Variants in PPFIA2 observed in about 807,000 individuals in gnomAD.
PPFIA2 encodes PPFI scaffold protein A2.
PPFIA2 carries 46 observed loss-of-function variants against 175.5 expected under a neutral mutation model. That is an observed-to-expected ratio of 0.26 (90% CI 0.21 to 0.34). The LOEUF (loss-of-function observed/expected upper bound fraction) is 0.34, where lower values mean the gene tolerates loss of function less well. PPFIA2 is among the 10% of genes least tolerant of loss of function. The probability of loss-of-function intolerance (pLI) is 1.00; values close to 1 mark genes in which losing one functional copy is unlikely to be tolerated. For missense variants in PPFIA2, 1,179 were observed against 1,506.1 expected (o/e 0.78, Z 3.60); for synonymous variants, 568 against 511.4 (o/e 1.11, Z -1.49).
At chr12:81,647,684 C>CG (rs2066342548) in intron 4 of PPFIA2, among the ~76,000 whole-genome samples, 1 of 150,176 alleles carries the variant, frequency 6.7e-6, no homozygotes, top group Admixed American at 6.7e-5. Context: ...TGGCGTGAAC[C>CG]GGGGTGGTGG....
At chr12:81,652,975 C>G (rs138111050) in intron 4 of PPFIA2, among the ~76,000 whole-genome samples, 110 of 152,056 alleles carry the variant, frequency 7.2e-4, no homozygotes, top group Admixed American at 2.4e-3. Flanking sequence ...CCTCAATATA[C>G]GAATCCAACC....
chr12:81,731,783 GAAT>G (rs1378332999), intron 3 of PPFIA2, among the ~76,000 whole-genome samples: 6 of 151,486 alleles, frequency 4.0e-5, no homozygotes, highest in Admixed American at 2.0e-4. Context: ...TGTAAAAGGG[GAAT>G]AATAATAGTA....
At chr12:81,331,713 C>G (rs1594930927) in intron 21 of PPFIA2, among the ~76,000 whole-genome samples, 1 of 152,284 alleles carries the variant, frequency 6.6e-6, no homozygotes, top group East Asian at 1.9e-4. Flanking sequence ...TCTGCTTATT[C>G]ATAGTTAACG....
intron 6 of PPFIA2, among the ~76,000 whole-genome samples, chr12:81,441,229 T>C (rs1472278640): frequency 1.3e-5 from 2 of 152,012 alleles, no homozygotes; most frequent in Admixed American, 6.6e-5. Flanking sequence ...AGTAATGTCC[T>C]ATTAACCTAG....
rs115399817 is a variant in PPFIA2 at position 81,434,560 on chromosome 12, C to G, written c.645+5412G>C. On this transcript the variant is annotated intron_variant, in intron 7 of 32. Coordinates refer to ENST00000549396, the MANE Select transcript of PPFIA2 (RefSeq NM_003625.5). ...CAATTATATACATAAATTGAAACAA[C>G]CTGAAAGCAGAGAGTTAAGACAAAT... Among the ~76,000 whole-genome samples the G allele has an allele frequency of 5.4e-4, 82 of 152,068 alleles. 1 individual carries two copies. Among genetic ancestry groups the G allele is most frequent in the African/African-American group, 2.0e-3 (81 of 41,518 alleles).
intron 4 of PPFIA2, among the ~76,000 whole-genome samples, chr12:81,650,184 T>G (rs1209926766): frequency 6.6e-6 from 1 of 152,034 alleles, no homozygotes; most frequent in South Asian, 2.1e-4. Flanking sequence ...TAATTTTTTG[T>G]ATTTTTAGTA....
At chr12:81,712,078 AT>A (rs1190433357) in intron 3 of PPFIA2, among the ~76,000 whole-genome samples, 1 of 151,356 alleles carries the variant, frequency 6.6e-6, no homozygotes, top group Admixed American at 6.8e-5. Context: ...TTTTTAAAAC[AT>A]TATTTTAAAG....
At chr12:81,347,903 T>G in intron 17 of PPFIA2, 133 bp from the exon 18 acceptor site, 2 of 1,326,366 alleles carry the variant, frequency 1.5e-6, no homozygotes, top group Non-Finnish European at 2.0e-6. Flanking sequence ...CAAATCTAAT[T>G]TTTTCATCTT....
At chr12:81,279,369 C>CAAAAAA (rs967003232) in intron 27 of PPFIA2, 3 of 152,030 alleles carry the variant, frequency 2.0e-5, no homozygotes, top group Non-Finnish European at 4.4e-5. Context: ...GCATCCCTAG[C>CAAAAAA]AAACTAATTC....
rs188615473 is a variant in PPFIA2, at chr12:81,279,552, G to A, written c.3212+1705C>T. On this transcript the variant is annotated intron_variant, in intron 27 of 32. Transcript: ENST00000549396. ...TGTCTGTCAGATGGAAAACTGTGCC[G>A]AAAAGACCATAGGATGCAATATACA... is the stretch of plus-strand genomic sequence containing the variant. Among the ~76,000 whole-genome samples, 4 of 152,180 alleles carry A rather than the reference G, an allele frequency of 2.6e-5. No individual in the cohort carries two copies. The East Asian group carries it at 5.8e-4, about 22-fold the overall frequency.
chr12:81,371,793 G>T (rs1310583682), intron 11 of PPFIA2, among the ~76,000 whole-genome samples: 1 of 151,556 alleles, frequency 6.6e-6, no homozygotes, highest in Non-Finnish European at 1.5e-5. Flanking sequence ...ATCTTTATTG[G>T]TTAATTGCGT....
chr12:81,572,882 C>T (rs1326784161), intron 4 of PPFIA2, among the ~76,000 whole-genome samples: 5 of 151,820 alleles, frequency 3.3e-5, no homozygotes, highest in African/African-American at 1.2e-4. Flanking sequence ...GGAAGTATGT[C>T]AAAGGACATA....
chr12:81,706,822 G>A (rs867805986), intron 3 of PPFIA2, among the ~76,000 whole-genome samples: 3 of 152,138 alleles, frequency 2.0e-5, no homozygotes, highest in Non-Finnish European at 2.9e-5. Context: ...CCAAAACAGA[G>A]ATACAGATCA....
At chr12:81,555,232 A>T (rs2068643311) in intron 4 of PPFIA2, among the ~76,000 whole-genome samples, 1 of 151,994 alleles carries the variant, frequency 6.6e-6, no homozygotes, top group Non-Finnish European at 1.5e-5. Flanking sequence ...CCTTTTTAAT[A>T]GTCTTTCTAA....
chr12:81,539,670 A>C (rs1249770176), intron 4 of PPFIA2, among the ~76,000 whole-genome samples: 1 of 151,882 alleles, frequency 6.6e-6, no homozygotes, highest in Non-Finnish European at 1.5e-5. Flanking sequence ...TGGGGTAAAA[A>C]TTATGAATTT....
intron 4 of PPFIA2, among the ~76,000 whole-genome samples, chr12:81,656,969 CT>C (rs2067884925): frequency 1.3e-5 from 2 of 152,028 alleles, no homozygotes; most frequent in Admixed American, 6.6e-5. Flanking sequence ...AGAATCTCAA[CT>C]TTAATTTATT....
At chr12:81,512,904 A>T (rs1209849094) in intron 4 of PPFIA2, among the ~76,000 whole-genome samples, 1 of 151,960 alleles carries the variant, frequency 6.6e-6, no homozygotes, top group Non-Finnish European at 1.5e-5. Context: ...GTAGTATTCC[A>T]TGGTGTTAAG....
chr12:81,740,210 T>A (rs2082159513), intron 3 of PPFIA2, among the ~76,000 whole-genome samples: 1 of 152,174 alleles, frequency 6.6e-6, no homozygotes, highest in Admixed American at 6.6e-5. Context: ...AGTAGAGCCT[T>A]ATTATGAGTA....
chr12:81,442,741 C>G (rs2050394962), intron 6 of PPFIA2, among the ~76,000 whole-genome samples: 1 of 148,842 alleles, frequency 6.7e-6, no homozygotes, highest in Non-Finnish European at 1.5e-5. Context: ...CAGCTATGCT[C>G]AATCCTTGTA....
Sources: gnomAD v4.1 joint callset for allele counts (sites outside exome capture counted in the v4.1 genomes callset) on GRCh38, gnomAD v4.1.1 for gene constraint, MANE v1.5 for transcripts, NCBI Gene and HGNC (gene_info 2026-07-23, HGNC 2026-07-21) for gene names.